The following PABPC4L variants were observed in gnomAD, a reference collection of about 807,000 sequenced individuals.
The protein encoded by PABPC4L is polyadenylate-binding protein 4-like.
For synonymous variants in PABPC4L, 169 were observed against 164.1 expected, an observed-to-expected ratio of 1.03 and a Z score of -0.23; for missense variants, 452 against 451.4, an observed-to-expected ratio of 1.00 and a Z score of -0.01.
chr4:134,089,381 T>C, the PABPC4L span, among the ~76,000 whole-genome samples: 2 of 152,106 alleles, frequency 1.3e-5, no homozygotes, highest in Non-Finnish European at 2.9e-5. Context: ...TTGCAATTGA[T>C]GAACTACATC....
the PABPC4L span, among the ~76,000 whole-genome samples, chr4:134,139,028 A>T: frequency 6.6e-6 from 1 of 151,926 alleles, no homozygotes; most frequent in Non-Finnish European, 1.5e-5. Flanking sequence ...AATATCATTA[A>T]ATCCTAAAAA....
the PABPC4L span, among the ~76,000 whole-genome samples, chr4:134,042,661 G>C: frequency 6.6e-6 from 1 of 152,122 alleles, no homozygotes; most frequent in Non-Finnish European, 1.5e-5. Context: ...TAGACTTGTG[G>C]TGCCTCTAAT....
the PABPC4L span, among the ~76,000 whole-genome samples, chr4:134,055,558 T>C: frequency 1.6e-4 from 25 of 151,944 alleles, no homozygotes; most frequent in African/African-American, 6.0e-4. Flanking sequence ...TAGTCTGTGG[T>C]ATTTTATTAT....
At chr4:134,081,264 C>T in the PABPC4L span, among the ~76,000 whole-genome samples, 1 of 152,040 alleles carries the variant, frequency 6.6e-6, no homozygotes, top group Non-Finnish European at 1.5e-5. Context: ...TCCAGCCAAA[C>T]CTGTGGCTGG....
chr4:134,188,088 T>C, the PABPC4L span, among the ~76,000 whole-genome samples: 85 of 152,006 alleles, frequency 5.6e-4, no homozygotes, highest in East Asian at 0.015. Flanking sequence ...TTATACTTCT[T>C]TAATTTTTCA....
At chr4:134,140,150 C>A in the PABPC4L span, among the ~76,000 whole-genome samples, 53 of 151,610 alleles carry the variant, frequency 3.5e-4, no homozygotes, top group Non-Finnish European at 1.3e-4. Context: ...AATATCTAAC[C>A]TAAAGCATGA....
chr4:134,111,312 C>T, the PABPC4L span, among the ~76,000 whole-genome samples: 1 of 151,856 alleles, frequency 6.6e-6, no homozygotes, highest in African/African-American at 2.4e-5. Context: ...CAAATTATTG[C>T]ATTGGGGATT....
chr4:134,201,026 G>T lies in PABPC4L; in HGVS notation c.-7C>A. On this transcript the variant is annotated 5_prime_UTR_variant, in exon 2 of 2. Transcript: ENST00000421491. ...ACTTGGCTGCTACATTCATCTCCTT[G>T]TCCTTGCCACTGTGAGTTTGTCCCC... 1 of 1,551,702 alleles carries T rather than the reference G, an allele frequency of 6.4e-7. No individual in the cohort carries two copies. The highest frequency in any genetic ancestry group is 8.7e-7 in the Non-Finnish European group (1 of 1,147,004).
At chr4:134,023,335 A>G in the PABPC4L span, among the ~76,000 whole-genome samples, 1 of 152,176 alleles carries the variant, frequency 6.6e-6, no homozygotes, top group African/African-American at 2.4e-5. Context: ...TCAAAATTCC[A>G]GACAGACTTT....
the PABPC4L span, among the ~76,000 whole-genome samples, chr4:134,016,121 C>T: frequency 6.6e-6 from 1 of 152,060 alleles, no homozygotes; most frequent in East Asian, 1.9e-4. Context: ...GCAGTTCCAC[C>T]AGGCCTAATC....
At chr4:134,104,057 C>T in the PABPC4L span, among the ~76,000 whole-genome samples, 1 of 145,828 alleles carries the variant, frequency 6.9e-6, no homozygotes, top group African/African-American at 2.6e-5. Context: ...TAGTGACATT[C>T]AAAAATACAC....
the PABPC4L span, among the ~76,000 whole-genome samples, chr4:133,993,479 G>C: frequency 6.6e-6 from 1 of 152,138 alleles, no homozygotes; most frequent in Non-Finnish European, 1.5e-5. Context: ...AAGAGCATAA[G>C]CACTAATTAA....
the PABPC4L span, among the ~76,000 whole-genome samples, chr4:134,093,227 C>T: frequency 3.3e-5 from 5 of 150,330 alleles, no homozygotes; most frequent in Middle Eastern, 3.5e-3. Flanking sequence ...CTTCTTTGTG[C>T]TTTCTTTTAA....
the PABPC4L span, among the ~76,000 whole-genome samples, chr4:134,039,791 T>C: frequency 6.6e-6 from 1 of 152,044 alleles, no homozygotes; most frequent in Non-Finnish European, 1.5e-5. Context: ...CCAGTCTTTG[T>C]TTTTTAAATG....
chr4:134,167,172 A>G, the PABPC4L span, among the ~76,000 whole-genome samples: 1 of 152,150 alleles, frequency 6.6e-6, no homozygotes, highest in South Asian at 2.1e-4. Context: ...CAGAATGTAC[A>G]ACACCAAGAG....
At chr4:133,956,723 C>G in the PABPC4L span, among the ~76,000 whole-genome samples, 20 of 152,144 alleles carry the variant, frequency 1.3e-4, no homozygotes, top group Admixed American at 1.3e-3. Flanking sequence ...TTAATTGACT[C>G]ACAGTTCCAC....
chr4:134,139,459 G>A, the PABPC4L span, among the ~76,000 whole-genome samples: 1 of 151,910 alleles, frequency 6.6e-6, no homozygotes, highest in East Asian at 1.9e-4. Flanking sequence ...CAGCTTATAA[G>A]TGAAAAGGTA....
At chr4:134,010,279 G>C in the PABPC4L span, among the ~76,000 whole-genome samples, 2 of 151,914 alleles carry the variant, frequency 1.3e-5, no homozygotes, top group Non-Finnish European at 2.9e-5. Context: ...TTTAGGTACT[G>C]CTTTAAGCAT....
chr4:134,200,746 A>G lies in PABPC4L; in HGVS notation c.274T>C (p.Leu92=). ...RLMWSQRDAY[L]RRSGIGNVFI... ...ACGTTCCCAATTCCAGATCTCCTCA[A>G]GTAGGCATCGCGCTGAGACCACATG... Residue 92 remains leucine, a synonymous_variant, in exon 2 of 2, where the codon TTG becomes CTG. Transcript: ENST00000421491. 1 of 1,551,712 alleles carries G rather than the reference A, an allele frequency of 6.4e-7. No individual in the cohort carries two copies. The highest frequency in any genetic ancestry group is 8.7e-7 in the Non-Finnish European group (1 of 1,146,984).
Sources: gnomAD v4.1 joint callset for allele counts (sites outside exome capture counted in the v4.1 genomes callset) on GRCh38, gnomAD v4.1.1 for gene constraint, MANE v1.5 for transcripts, NCBI Gene and HGNC (gene_info 2026-07-23, HGNC 2026-07-21) for gene names.